PRKDC: variants seen among roughly 807,000 people sequenced by gnomAD.
PRKDC encodes protein kinase, DNA-activated, catalytic subunit.
A neutral mutation model predicts 486.9 loss-of-function variants in PRKDC; 82 were observed. The ratio of observed to expected loss-of-function variants is 0.17; its 90% CI spans 0.14 to 0.20. The LOEUF is 0.20. Among genes scored for constraint, PRKDC ranks in the 10% least tolerant of loss-of-function variants. The pLI is 1.00. For synonymous variants in PRKDC, 1,895 were observed against 1,837.0 expected (o/e 1.03, Z -0.81); for missense variants, 4,504 against 5,038.2 (o/e 0.89, Z 3.21).
intron 74 of PRKDC, among the ~76,000 whole-genome samples, chr8:47,793,652 T>TA (rs1218488772): frequency 3.3e-5 from 1 of 30,006 alleles, no homozygotes; most frequent in Non-Finnish European, 7.4e-5. Flanking sequence ...AATAAAGAAA[T>TA]AAAAATAAAA....
intron 71 of PRKDC, among the ~76,000 whole-genome samples, chr8:47,800,212 T>C (rs1026367345): frequency 5.9e-5 from 9 of 151,950 alleles, no homozygotes; most frequent in African/African-American, 1.9e-4. Context: ...CCAACCCAAA[T>C]GTCCAACAAT....
At position 47,939,644 on chromosome 8, in the gene PRKDC, G is replaced by A. The variant is rs767527607; in HGVS notation, c.1020C>T (p.Tyr340=). ...TGATTCCATAAAACTGCTCCATAAA[G>A]TACTGCAGTTTATTTTTATGCATTT... ...NAEMHKNKLQ[Y]FMEQFYGIIR... is the part of the protein sequence containing the mutation. The change falls in exon 11 of 86, where the codon TAC becomes TAT. Residue 340 remains tyrosine, a synonymous_variant. Coordinates refer to ENST00000314191, the MANE Select transcript of PRKDC (RefSeq NM_006904.7). The A allele has an allele frequency of 1.2e-6, 2 of 1,611,466 alleles. No individual in the cohort carries two copies. The highest frequency in any genetic ancestry group is 2.2e-5 in the South Asian group (2 of 90,532).
At chr8:47,907,411 T>TACAC (rs746467406) in intron 25 of PRKDC, among the ~76,000 whole-genome samples, 1,817 of 148,890 alleles carry the variant, frequency 0.012, 40 homozygotes, top group African/African-American at 0.042. Flanking sequence ...TATATATATA[T>TACAC]ACACACACAC....
In PRKDC at chr8:47,900,437, C is replaced by A. The variant is rs1436331581; in HGVS notation, c.3300G>T (p.Val1100=). The stretch of plus-strand genomic sequence containing the variant: ...CCATGTATATCACCAAGGCTTCAAA[C>A]ACAAACTGTTCCACCAGAGACTCTT... The part of the protein sequence containing the change: ...REEESLVEQF[V]FEALVIYMES... The change falls in exon 28 of 86, where the codon GTG becomes GTT. Residue 1100 remains valine (V), a synonymous_variant. Coordinates refer to ENST00000314191, the MANE Select transcript of PRKDC (RefSeq NM_006904.7). The A allele has an allele frequency of 6.2e-7, 1 of 1,611,060 alleles. No homozygotes were observed. The highest frequency in any genetic ancestry group is 1.7e-5 in the Admixed American group (1 of 59,594).
At chr8:47,904,084 C>T (rs948475477) in intron 26 of PRKDC, among the ~76,000 whole-genome samples, 5 of 151,990 alleles carry the variant, frequency 3.3e-5, no homozygotes, top group Non-Finnish European at 7.4e-5. Context: ...CAAAAAAAAA[C>T]TACAATTTAG....
At chr8:47,820,146 C>T (rs990244650) in intron 66 of PRKDC, among the ~76,000 whole-genome samples, 1 of 152,190 alleles carries the variant, frequency 6.6e-6, no homozygotes, top group African/African-American at 2.4e-5. Context: ...GGAGCGTTGG[C>T]TCACGTCTGT....
At chr8:47,816,252 C>A (rs2087440510) in intron 68 of PRKDC, among the ~76,000 whole-genome samples, 1 of 152,078 alleles carries the variant, frequency 6.6e-6, no homozygotes. Flanking sequence ...GGACACTGTG[C>A]CCCACGTGTG....
intron 85 of PRKDC, among the ~76,000 whole-genome samples, chr8:47,774,974 G>C (rs987105555): frequency 6.6e-6 from 1 of 151,896 alleles, no homozygotes; most frequent in African/African-American, 2.4e-5. Flanking sequence ...GCTCGCCTGA[G>C]GTCAGGAGTT....
At chr8:47,893,044 A>T in intron 31 of PRKDC, 95 bp downstream of exon 31, 1 of 1,412,590 alleles carries the variant, frequency 7.1e-7, no homozygotes, top group Non-Finnish European at 9.4e-7. Context: ...CACAGCACCT[A>T]CCATCATGTC....
Position 47,778,615 on chromosome 8 carries a change from C to A in PRKDC, c.11697G>T (p.Ala3899=). The A allele has an allele frequency of 6.2e-7, 1 of 1,613,654 alleles. No individual in the cohort carries two copies. Among genetic ancestry groups the A allele is most frequent in the Non-Finnish European group, 8.5e-7 (1 of 1,179,748 alleles). Residue 3899 remains alanine, a synonymous_variant, in exon 83 of 86, where the codon GCG becomes GCT. Transcript: ENST00000314191. ...RMSTSPEAFL[A]LRSHFASSHA... ...GAGAGCTGGCGAAGTGGGAGCGGAG[C>A]GCCAGGAAAGCCTCAGGGCTTGTAC...
chr8:47,957,227 A>C lies in PRKDC; in HGVS notation c.268T>G (p.Cys90Gly). The C allele has an allele frequency of 6.2e-7, 1 of 1,602,518 alleles. No homozygotes were observed. ...ECREEILKFL[C>G]IFLEKMGQKI... ...TGGCCCATTTTTTCTAAGAAAATAC[A>C]TAAAAACTTTAGGATTTCTTCTCTA... is the stretch of plus-strand genomic sequence containing the variant. Residue 90 changes from cysteine to glycine, a missense_variant, in exon 3 of 86, where the codon TGT (cysteine) becomes GGT (glycine). Coordinates refer to ENST00000314191, the MANE Select transcript of PRKDC (RefSeq NM_006904.7).
chr8:47,848,128 C>A (rs1173367830), intron 54 of PRKDC, among the ~76,000 whole-genome samples: 1 of 152,134 alleles, frequency 6.6e-6, no homozygotes, highest in Non-Finnish European at 1.5e-5. Context: ...CCAGCAATCC[C>A]ATTACTGGGT....
At chr8:47,826,597 T>C in intron 63 of PRKDC, 59 bp downstream of exon 63, 1 of 1,499,424 alleles carries the variant, frequency 6.7e-7, no homozygotes, top group Non-Finnish European at 9.0e-7. Flanking sequence ...GCCAAGTGTT[T>C]TCCGTATTGC....
intron 52 of PRKDC, among the ~76,000 whole-genome samples, chr8:47,850,285 T>G (rs1339533932): frequency 3.9e-5 from 6 of 152,172 alleles, no homozygotes. Context: ...CCGAACAGTT[T>G]TTCAATGCAA....
At chr8:47,794,843 T>TA (rs1046512361) in intron 73 of PRKDC, among the ~76,000 whole-genome samples, 3 of 152,246 alleles carry the variant, frequency 2.0e-5, no homozygotes, top group Non-Finnish European at 2.9e-5. Context: ...TTCAATTTTT[T>TA]ATCACAGGTA....
chr8:47,922,702 G>A (rs530261384), intron 21 of PRKDC, among the ~76,000 whole-genome samples: 1 of 152,258 alleles, frequency 6.6e-6, no homozygotes, highest in Non-Finnish European at 1.5e-5. Context: ...AATTAGGACT[G>A]ACCCCATAAA....
chr8:47,949,307 G>A (rs547243417), intron 7 of PRKDC, among the ~76,000 whole-genome samples: 4 of 152,220 alleles, frequency 2.6e-5, no homozygotes, highest in East Asian at 1.9e-4. Flanking sequence ...CACCCTGGTG[G>A]CCATTATTCT....
At chr8:47,906,986 T>C (rs946235213) in intron 25 of PRKDC, among the ~76,000 whole-genome samples, 12 of 151,548 alleles carry the variant, frequency 7.9e-5, no homozygotes, top group African/African-American at 2.4e-4. Flanking sequence ...AACTTTCAGT[T>C]TGAAAGTTTA....
chr8:47,826,550 A>C, intron 63 of PRKDC, 106 bp downstream of exon 63: 1 of 1,119,262 alleles, frequency 8.9e-7, no homozygotes, highest in South Asian at 1.7e-5. Flanking sequence ...CATTAGTGTT[A>C]CTATCAACTT....
Sources: gnomAD v4.1 joint callset for allele counts (sites outside exome capture counted in the v4.1 genomes callset) on GRCh38, gnomAD v4.1.1 for gene constraint, MANE v1.5 for transcripts, NCBI Gene and HGNC (gene_info 2026-07-23, HGNC 2026-07-21) for gene names.